The following PIGN variants were observed in gnomAD, a reference collection of about 807,000 sequenced individuals.
PIGN encodes phosphatidylinositol glycan anchor biosynthesis class N, also known as GPI ethanolamine phosphate transferase 1.
In PIGN, 117 loss-of-function variants were observed where a neutral mutation model predicts 125.4. That is an observed-to-expected ratio of 0.93 (90% CI 0.80 to 1.09). PIGN has a LOEUF of 1.09. Ranked by LOEUF, PIGN falls within the 50% of genes least tolerant of loss-of-function variation. The probability of loss-of-function intolerance (pLI) is 0.00; values close to 1 mark genes in which losing one functional copy is unlikely to be tolerated. For synonymous variants in PIGN, 392 were observed against 377.8 expected (o/e 1.04, Z -0.44); for missense variants, 1,075 against 1,094.9 (o/e 0.98, Z 0.26).
At chr18:62,019,697 A>G (rs942234097) in intron 23 of PIGN, among the ~76,000 whole-genome samples, 1 of 152,220 alleles carries the variant, frequency 6.6e-6, no homozygotes, top group Non-Finnish European at 1.5e-5. Context: ...AAATTTCCCA[A>G]TATAGCACAC....
intron 7 of PIGN, among the ~76,000 whole-genome samples, chr18:62,152,127 T>G (rs987163531): frequency 6.6e-6 from 1 of 152,030 alleles, no homozygotes; most frequent in Admixed American, 6.6e-5. Flanking sequence ...TGGGGGGAAA[T>G]TTAAAAATTT....
intron 23 of PIGN, among the ~76,000 whole-genome samples, chr18:62,019,595 C>CA (rs2030026636): frequency 6.6e-6 from 1 of 152,170 alleles, no homozygotes; most frequent in Non-Finnish European, 1.5e-5. Flanking sequence ...AGTGGGGAGG[C>CA]AAAAGGTGGA....
At chr18:62,145,019 G>C (rs915157564) in intron 10 of PIGN, among the ~76,000 whole-genome samples, 7 of 151,040 alleles carry the variant, frequency 4.6e-5, no homozygotes, top group Non-Finnish European at 1.0e-4. Context: ...GGGGGGGGGG[G>C]GGCAGGGTGG....
intron 1 of PIGN, among the ~76,000 whole-genome samples, chr18:62,178,812 A>T (rs1219493201): frequency 6.6e-6 from 1 of 152,170 alleles, no homozygotes; most frequent in South Asian, 2.1e-4. Flanking sequence ...ACTAATTTTC[A>T]AATTTTCTCA....
intron 28 of PIGN, among the ~76,000 whole-genome samples, chr18:62,081,020 A>G (rs2033423876): frequency 6.6e-6 from 1 of 152,198 alleles, no homozygotes; most frequent in Non-Finnish European, 1.5e-5. Context: ...GAAAAAAAAC[A>G]ATGTTAATAC....
chr18:62,133,603 A>G (rs1428341418), intron 14 of PIGN, among the ~76,000 whole-genome samples: 2 of 152,168 alleles, frequency 1.3e-5, no homozygotes, highest in Admixed American at 6.5e-5. Context: ...GTATTATCCA[A>G]CATTTGTTTG....
chr18:62,147,509 C>A (rs760512035), intron 8 of PIGN, among the ~76,000 whole-genome samples: 1 of 152,064 alleles, frequency 6.6e-6, no homozygotes, highest in Non-Finnish European at 1.5e-5. Flanking sequence ...ATGTTTTGAA[C>A]ACATTATATT....
intron 30 of PIGN, among the ~76,000 whole-genome samples, chr18:62,057,816 T>G (rs80033792): frequency 1.3e-5 from 2 of 152,176 alleles, no homozygotes; most frequent in Non-Finnish European, 2.9e-5. Flanking sequence ...TTGACACAAG[T>G]AACTCCATCT....
intron 21 of PIGN, 25 bp from the exon 22 acceptor site, chr18:62,101,208 A>T (rs2034424771): frequency 1.5e-6 from 2 of 1,312,452 alleles, no homozygotes; most frequent in Admixed American, 1.7e-5. Flanking sequence ...GAAATAGGTT[A>T]AAAAAAGAGA....
intron 30 of PIGN, among the ~76,000 whole-genome samples, chr18:62,059,381 A>T (rs1047776999): frequency 7.9e-5 from 12 of 152,118 alleles, no homozygotes; most frequent in African/African-American, 2.9e-4. Flanking sequence ...ATTAAAAGCA[A>T]CAAGGACCAT....
intron 21 of PIGN, among the ~76,000 whole-genome samples, chr18:62,102,001 G>A (rs1422710471): frequency 6.6e-6 from 1 of 152,006 alleles, no homozygotes; most frequent in Admixed American, 6.6e-5. Flanking sequence ...GCCGGGGTGG[G>A]TGGATCACCT....
intron 1 of PIGN, among the ~76,000 whole-genome samples, chr18:62,171,379 TTTTTAACTTTCTGGAGATA>T (rs557023197): frequency 1.6e-4 from 24 of 152,332 alleles, no homozygotes; most frequent in Non-Finnish European, 3.1e-4. Context: ...GTGTATATGC[TTTTTAACTTTCTGGAGATA>T]ATTAGGTTAT....
intron 14 of PIGN, among the ~76,000 whole-genome samples, chr18:62,131,134 C>G (rs2035721952): frequency 6.6e-6 from 1 of 151,882 alleles, no homozygotes. Flanking sequence ...AGGGAAGGGC[C>G]TTTATCAGCT....
intron 14 of PIGN, among the ~76,000 whole-genome samples, chr18:62,131,612 T>A (rs532160565): frequency 1.3e-5 from 2 of 152,282 alleles, no homozygotes; most frequent in East Asian, 3.9e-4. Context: ...GTTTTATGAC[T>A]TTTATTCTTT....
At position 62,067,583 on chromosome 18, in the gene PIGN, T is replaced by C. The variant is rs140368587; in HGVS notation, c.2672+5090A>G. Among the ~76,000 whole-genome samples the C allele has an allele frequency of 1.2e-3, 177 of 152,346 alleles. 2 individuals carry two copies. Among genetic ancestry groups the C allele is most frequent in the African/African-American group, 4.0e-3 (167 of 41,588 alleles). On this transcript the variant is annotated intron_variant, in intron 30 of 30. Coordinates refer to ENST00000640252, the MANE Select transcript of PIGN (RefSeq NM_176787.5). ...TATATAAATGGAGTACACTATATAC[T>C]CTTACATATCTGGTTTCTTTAACTC... is the stretch of plus-strand genomic sequence containing the variant.
rs1312698834 is a variant in PIGN, at chr18:62,088,802, T to C, written c.2324A>G (p.Gln775Arg). 3 of 1,563,044 alleles carry C rather than the reference T, an allele frequency of 1.9e-6. No individual in the cohort carries two copies. Among genetic ancestry groups the C allele is most frequent in the Non-Finnish European group, 2.6e-6 (3 of 1,150,772 alleles). ...IQFSYNTDIT[Q>R]FRQLYLDDIR... Reference sequence around the variant, plus strand: ...GTCATCCAGATATAGCTGTCGAAACTGAGTTATATCAGTATTATAAGAGAA... The same window carrying C: ...GTCATCCAGATATAGCTGTCGAAACCGAGTTATATCAGTATTATAAGAGAA... The change falls in exon 25 of 31, where the codon CAG (glutamine) becomes CGG (arginine). Residue 775 changes from glutamine to arginine, a missense_variant. Physicochemically the swap from Gln to Arg is conservative, Grantham distance 43. This residue lies in a region of PIGN where 915 missense variants were observed against 908.7 expected (regional missense o/e 1.01). Transcript: ENST00000640252.
At chr18:62,030,490 G>A (rs1232987574) in intron 23 of PIGN, among the ~76,000 whole-genome samples, 1 of 152,158 alleles carries the variant, frequency 6.6e-6, no homozygotes, top group Non-Finnish European at 1.5e-5. Context: ...ATAAATACCA[G>A]AAATATCAAA....
intron 7 of PIGN, chr18:62,154,323 C>T (rs1490674170): frequency 8.2e-6 from 4 of 489,640 alleles, no homozygotes; most frequent in Non-Finnish European, 3.5e-6. Context: ...TTTCCTAAAT[C>T]CTAATCTAGG....
intron 6 of PIGN, among the ~76,000 whole-genome samples, chr18:62,156,497 ATT>A (rs1417722594): frequency 6.6e-6 from 1 of 151,864 alleles, no homozygotes; most frequent in Non-Finnish European, 1.5e-5. Context: ...CACTCAGCTA[ATT>A]TTTTGTTTGT....
Sources: allele counts gnomAD v4.1 joint callset (sites outside exome capture counted in the v4.1 genomes callset), GRCh38; gene constraint gnomAD v4.1.1; regional missense constraint gnomAD v4.1.1; transcripts MANE v1.5; gene names NCBI Gene and HGNC (gene_info 2026-07-23, HGNC 2026-07-21).